The following PRKCB variants were observed in gnomAD, a reference collection of about 807,000 sequenced individuals.
PRKCB encodes the protein protein kinase C beta type.
In PRKCB, 13 loss-of-function variants were observed where a neutral mutation model predicts 81.5. The observed-to-expected ratio is 0.16, with a 90% confidence interval of 0.10 to 0.25. PRKCB has a LOEUF of 0.25. Among genes scored for constraint, PRKCB ranks in the 10% least tolerant of loss-of-function variants. The pLI is 1.00. For missense variants in PRKCB, 509 were observed against 875.7 expected (o/e 0.58, Z 5.29); for synonymous variants, 335 against 321.4 (o/e 1.04, Z -0.45).
chr16:24,130,532 G>T (rs1966851835), intron 9 of PRKCB, among the ~76,000 whole-genome samples: 1 of 152,160 alleles, frequency 6.6e-6, no homozygotes, highest in Non-Finnish European at 1.5e-5. Context: ...TATTAGGGTA[G>T]ATTCATCTGC....
At chr16:23,869,979 G>A (rs1962876753) in intron 2 of PRKCB, among the ~76,000 whole-genome samples, 3 of 150,480 alleles carry the variant, frequency 2.0e-5, no homozygotes, top group South Asian at 4.2e-4. Flanking sequence ...CCGAGATCGC[G>A]CCATTGCACT....
At chr16:24,211,340 A>T (rs1452025258) in intron 16 of PRKCB, among the ~76,000 whole-genome samples, 1 of 152,196 alleles carries the variant, frequency 6.6e-6, no homozygotes, top group Non-Finnish European at 1.5e-5. Flanking sequence ...GAAAATGGGA[A>T]CTAAATAATA....
chr16:24,165,750 T>C (rs895352421), intron 10 of PRKCB, among the ~76,000 whole-genome samples: 2 of 152,222 alleles, frequency 1.3e-5, no homozygotes, highest in African/African-American at 4.8e-5. Flanking sequence ...GACTTTAGTA[T>C]GAAATTTAAA....
chr16:24,021,044 T>TC (rs1965367181), intron 3 of PRKCB, among the ~76,000 whole-genome samples: 5 of 78,006 alleles, frequency 6.4e-5, no homozygotes, highest in East Asian at 3.7e-4. Context: ...TTCTTTCTCT[T>TC]TCTTTCTTTC....
intron 2 of PRKCB, among the ~76,000 whole-genome samples, chr16:23,900,204 A>G (rs1381466644): frequency 6.6e-6 from 1 of 152,190 alleles, no homozygotes; most frequent in Non-Finnish European, 1.5e-5. Flanking sequence ...CACAGTGTCC[A>G]CAGTGCCATG....
intron 2 of PRKCB, among the ~76,000 whole-genome samples, chr16:23,967,281 G>A (rs931097032): frequency 9.9e-5 from 15 of 152,212 alleles, no homozygotes; most frequent in African/African-American, 3.6e-4. Flanking sequence ...CTTCCTTTTG[G>A]ATGGTGGCCT....
chr16:23,972,126 A>G (rs1964565088), intron 2 of PRKCB, among the ~76,000 whole-genome samples: 1 of 152,224 alleles, frequency 6.6e-6, no homozygotes, highest in Non-Finnish European at 1.5e-5. Flanking sequence ...AACTGCTAAT[A>G]CAGACACGTG....
At chr16:24,009,453 C>G (rs1182457161) in intron 3 of PRKCB, among the ~76,000 whole-genome samples, 2 of 145,674 alleles carry the variant, frequency 1.4e-5, no homozygotes, top group Non-Finnish European at 3.0e-5. Context: ...GAGATGGAGT[C>G]TTGCTCTGTT....
intron 16 of PRKCB, chr16:24,191,477 A>T: frequency 2.5e-6 from 1 of 400,202 alleles, no homozygotes. Flanking sequence ...CGATTCAATT[A>T]TTGTAACTGT....
intron 8 of PRKCB, among the ~76,000 whole-genome samples, chr16:24,113,375 TCCTTCCTG>T (rs200485553): frequency 6.9e-6 from 1 of 145,372 alleles, no homozygotes. Context: ...TTTCCTTCCT[TCCTTCCTG>T]CCTTCCTTCC....
Position 24,021,072 on chromosome 16 carries a change from C to CTCCTTTCTTTCTTTCTTTCT in PRKCB, c.289-11063_289-11062insCCTTTCTTTCTTTCTTTCTT. On this transcript the variant is annotated intron_variant, in intron 3 of 16. Coordinates refer to ENST00000643927, the MANE Select transcript of PRKCB (RefSeq NM_002738.7). ...TTTCTTTCTTTCCCTCCCTCCCTCC[C>CTCCTTTCTTTCTTTCTTTCT]TTCTTTCTTTCTTTCTTTTTTTCTT... Among the ~76,000 whole-genome samples the CTCCTTTCTTTCTTTCTTTCT allele has an allele frequency of 1.4e-3, 128 of 94,472 alleles. 9 individuals are homozygous for CTCCTTTCTTTCTTTCTTTCT. The highest frequency in any genetic ancestry group is 4.4e-3 in the African/African-American group (104 of 23,474). The allele number at this position is 94,472 out of a possible 152,430, so 62.0% of individuals were successfully genotyped here. A position where few individuals can be genotyped will look rare whatever the true frequency, so the allele number is the denominator to read the frequency against.
At chr16:24,193,309 A>G (rs539682843) in intron 16 of PRKCB, among the ~76,000 whole-genome samples, 1 of 151,636 alleles carries the variant, frequency 6.6e-6, no homozygotes, top group South Asian at 2.1e-4. Context: ...GCTAGGTGTG[A>G]TGGTGGGTGC....
chr16:24,203,612 A>AC, intron 16 of PRKCB, among the ~76,000 whole-genome samples: 1 of 152,072 alleles, frequency 6.6e-6, no homozygotes, highest in African/African-American at 2.4e-5. Flanking sequence ...AGAAATTCCA[A>AC]CTCCACAAAG....
chr16:24,028,327 G>A (rs1965509273), intron 3 of PRKCB, among the ~76,000 whole-genome samples: 1 of 152,192 alleles, frequency 6.6e-6, no homozygotes, highest in Admixed American at 6.5e-5. Context: ...GACCTAAGGT[G>A]ATCCACCCAC....
chr16:24,164,292 A>G (rs1051238502), intron 10 of PRKCB, among the ~76,000 whole-genome samples: 1 of 152,178 alleles, frequency 6.6e-6, no homozygotes, highest in Admixed American at 6.5e-5. Context: ...TTTAAATCAG[A>G]CTATCCTCAT....
chr16:23,837,342 C>T (rs776139953), intron 1 of PRKCB, 33 bp from the exon 2 acceptor site: 1 of 1,613,168 alleles, frequency 6.2e-7, no homozygotes, highest in Non-Finnish European at 8.5e-7. Context: ...GCCCCCCGGG[C>T]TGCCTGACAT....
chr16:24,100,600 G>A (rs1412276699), intron 7 of PRKCB, among the ~76,000 whole-genome samples: 1 of 152,184 alleles, frequency 6.6e-6, no homozygotes, highest in Non-Finnish European at 1.5e-5. Flanking sequence ...TTCCAGCCGA[G>A]GAGGAGGGAA....
chr16:24,049,047 G>GGTT (rs1965801973), intron 5 of PRKCB, among the ~76,000 whole-genome samples: 1 of 49,656 alleles, frequency 2.0e-5, no homozygotes, highest in Non-Finnish European at 3.5e-5. Flanking sequence ...AAATTGGCCT[G>GGTT]TTTTTTTTTT....
intron 2 of PRKCB, among the ~76,000 whole-genome samples, chr16:23,980,515 A>T (rs1964683050): frequency 6.6e-6 from 1 of 152,214 alleles, no homozygotes; most frequent in South Asian, 2.1e-4. Flanking sequence ...TGATAAAATA[A>T]GGCTCAGAGA....
Sources: allele counts gnomAD v4.1 joint callset (sites outside exome capture counted in the v4.1 genomes callset), GRCh38; gene constraint gnomAD v4.1.1; transcripts MANE v1.5; gene names NCBI Gene and HGNC (gene_info 2026-07-23, HGNC 2026-07-21).